Variants in MYO10 observed in about 807,000 individuals in gnomAD.
MYO10 encodes the protein unconventional myosin-X.
In MYO10, 133 loss-of-function variants were observed where a neutral mutation model predicts 257.3. The observed-to-expected ratio is 0.52, with a 90% confidence interval of 0.45 to 0.60. The LOEUF is 0.60. MYO10 is among the 20% of genes least tolerant of loss of function. The pLI is 0.00. For missense variants in MYO10, 2,399 were observed against 2,635.7 expected, an observed-to-expected ratio of 0.91 and a Z score of 1.97; for synonymous variants, 1,104 against 1,028.6, an observed-to-expected ratio of 1.07 and a Z score of -1.40.
At chr5:16,838,868 C>T (rs1230480263) in intron 2 of MYO10, among the ~76,000 whole-genome samples, 3 of 152,274 alleles carry the variant, frequency 2.0e-5, no homozygotes, top group South Asian at 2.1e-4. Context: ...TCTCTATAAA[C>T]GGAATAACAG....
At chr5:16,791,540 A>G (rs1741755735) in intron 4 of MYO10, among the ~76,000 whole-genome samples, 1 of 113,224 alleles carries the variant, frequency 8.8e-6, no homozygotes, top group African/African-American at 3.2e-5. Flanking sequence ...GTTTTAATAC[A>G]TACATACACA....
chr5:16,805,665 T>A (rs1391410397), intron 3 of MYO10, among the ~76,000 whole-genome samples: 1 of 152,202 alleles, frequency 6.6e-6, no homozygotes, highest in Admixed American at 6.5e-5. Flanking sequence ...GGTTTCCTCA[T>A]GTTGGATTTC....
At chr5:16,877,585 G>A in intron 2 of MYO10, 24 bp downstream of exon 2, 1 of 1,580,194 alleles carries the variant, frequency 6.3e-7, no homozygotes, top group Non-Finnish European at 8.7e-7. Flanking sequence ...TGGATGTTGG[G>A]AAGCTGCAGG....
rs779767063 is a variant in MYO10, at chr5:16,758,196, A to G, written c.1770T>C (p.His590=). Residue 590 remains histidine (H), a synonymous_variant, in exon 18 of 41, where the codon CAT becomes CAC. Coordinates refer to ENST00000513610, the MANE Select transcript of MYO10 (RefSeq NM_012334.3). ...RFDFIYDLFE[H]VSSRNNQDTL... ...TATCCTGGTTGTTGCGGCTTGAAAC[A>G]TGTTCAAAAAGATCGTAGATAAAGT... The G allele has an allele frequency of 5.0e-6, 8 of 1,613,442 alleles. No individual in the cohort carries two copies. Among genetic ancestry groups the G allele is most frequent in the Non-Finnish European group, 2.5e-6 (3 of 1,179,418 alleles).
chr5:16,663,335 T>TG lies in MYO10; in HGVS notation c.*3356_*3357insC, dbSNP rs1736044418. 5.7e-5 allele frequency: 2 copies of TG among 35,312 alleles called. No individual in the cohort carries two copies. The highest frequency in any genetic ancestry group is 8.4e-5 in the African/African-American group (1 of 11,870). The allele number at this position is 35,312 out of a possible 1,614,324, so 2.2% of individuals were successfully genotyped here. On this transcript the variant is annotated 3_prime_UTR_variant, in exon 41 of 41. Transcript: ENST00000513610. Reference sequence around the variant, plus strand: ...AACATTTTACTTCTAGTTGTTTTTTTTTTTTTTTTTTTTTTTTTTTTTTTT... The same window carrying TG: ...AACATTTTACTTCTAGTTGTTTTTTTGTTTTTTTTTTTTTTTTTTTTTTTTT...
chr5:16,673,732 C>A lies in MYO10; in HGVS notation c.5122G>T (p.Gly1708Cys). 6.2e-7 allele frequency: 1 copy of A among 1,613,958 alleles called. No homozygotes were observed. ...QEMTSTVYCH[G>C]GGSCKITINS... ...ATGGTGATCTTGCAGGAGCCGCCGC[C>A]ATGGCAATAGACCGTGGATGTCATT... The change falls in exon 36 of 41, where the codon GGC becomes TGC. Residue 1708 changes from glycine to cysteine, a missense_variant. This residue lies in a region of MYO10 where 1,820 missense variants were observed against 1,939.4 expected (regional missense o/e 0.94). Coordinates refer to ENST00000513610, the MANE Select transcript of MYO10 (RefSeq NM_012334.3).
At chr5:16,889,278 T>C (rs1393698094) in intron 1 of MYO10, among the ~76,000 whole-genome samples, 3 of 149,598 alleles carry the variant, frequency 2.0e-5, no homozygotes, top group African/African-American at 7.4e-5. Context: ...TGGTGGTGGG[T>C]GCCTGTAATC....
chr5:16,844,699 A>C (rs1580066142), intron 2 of MYO10, among the ~76,000 whole-genome samples: 2 of 152,260 alleles, frequency 1.3e-5, no homozygotes, highest in South Asian at 2.1e-4. Context: ...GCTATGCAAA[A>C]CCAACTATAG....
chr5:16,708,430 AT>A (rs1322383674), intron 21 of MYO10, among the ~76,000 whole-genome samples: 6 of 152,168 alleles, frequency 3.9e-5, no homozygotes, highest in Non-Finnish European at 7.3e-5. Flanking sequence ...GATTTCCATA[AT>A]GTAAATTCTA....
chr5:16,835,810 T>A (rs1419813534), intron 2 of MYO10, among the ~76,000 whole-genome samples: 5 of 146,922 alleles, frequency 3.4e-5, no homozygotes, highest in Admixed American at 6.8e-5. Context: ...CAAAAGTCTT[T>A]AAAAAAAAAA....
chr5:16,757,969 C>G (rs1390059762), intron 18 of MYO10, 149 bp downstream of exon 18: 2 of 662,900 alleles, frequency 3.0e-6, no homozygotes, highest in African/African-American at 3.7e-5. Context: ...TATTTTATTT[C>G]TAAAGCACTA....
chr5:16,847,782 A>T (rs1211656692), intron 2 of MYO10, among the ~76,000 whole-genome samples: 2 of 152,148 alleles, frequency 1.3e-5, no homozygotes, highest in African/African-American at 2.4e-5. Flanking sequence ...GCTACTCAAG[A>T]GGCTGATGCA....
Position 16,780,505 on chromosome 5 carries a change from C to T in MYO10, c.826+19G>A. 1 of 1,544,988 alleles carries T rather than the reference C, an allele frequency of 6.5e-7. No homozygotes were observed. Among genetic ancestry groups the T allele is most frequent in the Non-Finnish European group, 8.8e-7 (1 of 1,134,792 alleles). On this transcript the variant is annotated intron_variant, in intron 8 of 40. Coordinates refer to ENST00000513610, the MANE Select transcript of MYO10 (RefSeq NM_012334.3). ...AAATGAGTTGCTAGTCCACATTATC[C>T]AGCTGTCGTCCCACTCACCTCTTTC...
rs1560989473 is a variant in MYO10 at position 16,796,222 on chromosome 5, C to CGAGAGCGAGAAA, written c.280-1390_280-1389insTTTCTCGCTCTC. Reference sequence around the variant, plus strand: ...AAAAAAAGAAAGAACAGAGAGAGAGCGAGAAAGAGAAAGAGCGAGCGTGCG... The same window carrying CGAGAGCGAGAAA: ...AAAAAAAGAAAGAACAGAGAGAGAGCGAGAGCGAGAAAGAGAAAGAGAAAGAGCGAGCGTGCG... On this transcript the variant is annotated intron_variant, in intron 3 of 40. Transcript: ENST00000513610. Among the ~76,000 whole-genome samples the CGAGAGCGAGAAA allele has an allele frequency of 4.8e-5, 5 of 103,304 alleles. No individual in the cohort carries two copies. The Admixed American group carries it at 5.9e-4, about 12-fold the overall frequency. 67.8% of individuals were successfully genotyped at this position (103,304 alleles called of 152,430 possible).
At chr5:16,710,886 T>G (rs753697247) in intron 21 of MYO10, 22 bp downstream of exon 21, 8 of 1,593,914 alleles carry the variant, frequency 5.0e-6, no homozygotes, top group African/African-American at 1.4e-5. Flanking sequence ...TCGGTGGGAG[T>G]TGCTCTTTCT....
chr5:16,720,902 A>G (rs1396411251), intron 19 of MYO10, among the ~76,000 whole-genome samples: 1 of 152,212 alleles, frequency 6.6e-6, no homozygotes, highest in Non-Finnish European at 1.5e-5. Flanking sequence ...GAAACATAAA[A>G]TATGTGAATT....
intron 2 of MYO10, among the ~76,000 whole-genome samples, 179 bp from the exon 3 acceptor site, chr5:16,818,346 CTCTGTGTGTGTATGTA>C (rs1239986744): frequency 3.4e-5 from 5 of 147,296 alleles, no homozygotes; most frequent in African/African-American, 1.0e-4. Context: ...CTCTCTCTCT[CTCTGTGTGTGTATGTA>C]TGTGTGTGTG....
intron 19 of MYO10, among the ~76,000 whole-genome samples, chr5:16,745,576 C>G (rs1016228559): frequency 2.6e-5 from 4 of 152,010 alleles, no homozygotes; most frequent in African/African-American, 9.7e-5. Flanking sequence ...GTACTCCCAG[C>G]TATTTGGGAG....
intron 32 of MYO10, among the ~76,000 whole-genome samples, chr5:16,680,811 T>A (rs768098791): frequency 4.6e-5 from 7 of 152,134 alleles, no homozygotes; most frequent in Non-Finnish European, 8.8e-5. Flanking sequence ...CTGGCCCACA[T>A]GGCAAAACCT....
Sources: allele counts gnomAD v4.1 joint callset (sites outside exome capture counted in the v4.1 genomes callset), GRCh38; gene constraint gnomAD v4.1.1; regional missense constraint gnomAD v4.1.1; transcripts MANE v1.5; gene names NCBI Gene and HGNC (gene_info 2026-07-23, HGNC 2026-07-21).